Variants in MECOM observed in about 807,000 individuals in gnomAD.
MECOM encodes MDS1 and EVI1 complex locus.
In MECOM, 13 loss-of-function variants were observed where a neutral mutation model predicts 116.3. That is an observed-to-expected ratio of 0.11 (90% CI 0.07 to 0.18). MECOM has a LOEUF of 0.18. Among genes scored for constraint, MECOM ranks in the 10% least tolerant of loss-of-function variants. The pLI is 1.00. For missense variants in MECOM, 1,299 were observed against 1,509.0 expected (o/e 0.86, Z 2.31); for synonymous variants, 528 against 535.2 (o/e 0.99, Z 0.19).
At chr3:169,550,261 C>G (rs1761214429) in intron 1 of MECOM, among the ~76,000 whole-genome samples, 1 of 152,080 alleles carries the variant, frequency 6.6e-6, no homozygotes. Flanking sequence ...GCCAAGATAC[C>G]CCATTCACAT....
intron 2 of MECOM, among the ~76,000 whole-genome samples, chr3:169,318,347 G>T (rs1209635693): frequency 6.6e-6 from 1 of 152,052 alleles, no homozygotes; most frequent in Non-Finnish European, 1.5e-5. Context: ...CTACAGAATG[G>T]GAGAAAATTT....
chr3:169,634,458 C>T (rs1297225480), intron 1 of MECOM, among the ~76,000 whole-genome samples: 1 of 152,150 alleles, frequency 6.6e-6, no homozygotes, highest in African/African-American at 2.4e-5. Context: ...TAACTCAGAC[C>T]ATCTATTTCA....
intron 1 of MECOM, among the ~76,000 whole-genome samples, chr3:169,636,608 C>T (rs1772788651): frequency 6.6e-6 from 1 of 152,180 alleles, no homozygotes; most frequent in Non-Finnish European, 1.5e-5. Context: ...GCGTACACCT[C>T]CTGGAACCTT....
chr3:169,167,099 C>CA (rs1192932215), intron 2 of MECOM, among the ~76,000 whole-genome samples: 3 of 152,112 alleles, frequency 2.0e-5, no homozygotes, highest in Non-Finnish European at 4.4e-5. Flanking sequence ...CTCAGCCTCC[C>CA]AAGTAGCCGA....
In MECOM at chr3:169,317,092, C is replaced by T. The variant is rs542553394; in HGVS notation, c.375+64095G>A. ...ATTCAACAGTTTTCTTCACTTATTA[C>T]GGTCCTCAGAGCAATTAAGTCCAGG... On this transcript the variant is annotated intron_variant, in intron 2 of 16. Coordinates refer to ENST00000651503, the MANE Select transcript of MECOM (RefSeq NM_004991.4). 8.5e-5 allele frequency among the ~76,000 whole-genome samples: 13 copies of T among 152,292 alleles called. No homozygotes were observed. The South Asian group carries it at 1.2e-3, about 15-fold the overall frequency.
chr3:169,162,563 G>C (rs1308240042), intron 2 of MECOM, among the ~76,000 whole-genome samples: 1 of 152,118 alleles, frequency 6.6e-6, no homozygotes, highest in Non-Finnish European at 1.5e-5. Flanking sequence ...ATATTACTGG[G>C]AGCTTAGGCG....
At chr3:169,093,207 T>C in intron 13 of MECOM, 105 bp from the exon 14 acceptor site, 1 of 1,145,666 alleles carries the variant, frequency 8.7e-7, no homozygotes, top group Non-Finnish European at 1.2e-6. Context: ...TCTTAAAACA[T>C]GCCCTATGAA....
intron 1 of MECOM, among the ~76,000 whole-genome samples, chr3:169,391,914 A>T (rs1734258304): frequency 6.6e-6 from 1 of 152,140 alleles, no homozygotes; most frequent in Non-Finnish European, 1.5e-5. Context: ...ACTGCCTTCT[A>T]ATGGGAACTG....
chr3:169,511,655 T>G (rs1235699731), intron 1 of MECOM, among the ~76,000 whole-genome samples: 1 of 151,840 alleles, frequency 6.6e-6, no homozygotes, highest in East Asian at 1.9e-4. Context: ...TCCCAGCTAC[T>G]CAACTTGGGA....
At chr3:169,487,095 GA>G (rs145230350) in intron 1 of MECOM, among the ~76,000 whole-genome samples, 1 of 149,710 alleles carries the variant, frequency 6.7e-6, no homozygotes, top group Non-Finnish European at 1.5e-5. Flanking sequence ...AAAACTAATT[GA>G]AAAAAAAGAG....
intron 2 of MECOM, among the ~76,000 whole-genome samples, chr3:169,372,227 T>C (rs2108200385): frequency 6.6e-6 from 1 of 152,226 alleles, no homozygotes; most frequent in East Asian, 1.9e-4. Context: ...TAAACTAATT[T>C]GGAGCAATTC....
At chr3:169,463,766 G>A (rs572996995) in intron 1 of MECOM, among the ~76,000 whole-genome samples, 1 of 152,050 alleles carries the variant, frequency 6.6e-6, no homozygotes, top group Admixed American at 6.6e-5. Context: ...GGAGTAATTG[G>A]GAGAGTGCAA....
chr3:169,449,493 A>G (rs544285163), intron 1 of MECOM, among the ~76,000 whole-genome samples: 1 of 152,316 alleles, frequency 6.6e-6, no homozygotes, highest in East Asian at 1.9e-4. Flanking sequence ...ATTTATCATC[A>G]GCTCAGGATA....
Position 169,663,605 on chromosome 3 carries a change from T to C in MECOM, c.-233A>G, listed in dbSNP as rs2110158730. The C allele has an allele frequency of 1.7e-6, 1 of 576,442 alleles. No individual in the cohort carries two copies. The highest frequency in any genetic ancestry group is 3.1e-6 in the Non-Finnish European group (1 of 323,872). 35.7% of individuals were successfully genotyped at this position (576,442 alleles called of 1,614,324 possible). A position where few individuals can be genotyped will look rare whatever the true frequency, so the allele number is the denominator to read the frequency against. ...CTCTGTATTTTCTTCTTTCACTCTC[T>C]CTCCCTCCCTCTCTCCCTTTCTCTC... On this transcript the variant is annotated 5_prime_UTR_variant, in exon 1 of 17. Transcript: ENST00000651503.
At chr3:169,139,790 G>T (rs1409207257) in intron 3 of MECOM, among the ~76,000 whole-genome samples, 6 of 151,882 alleles carry the variant, frequency 4.0e-5, no homozygotes, top group African/African-American at 1.5e-4. Context: ...CCAGGCGAAG[G>T]GTATATGTGG....
chr3:169,341,561 G>A (rs1438527929), intron 2 of MECOM, among the ~76,000 whole-genome samples: 8 of 151,454 alleles, frequency 5.3e-5, no homozygotes, highest in Non-Finnish European at 1.0e-4. Flanking sequence ...CCAACAAGGC[G>A]AAACTCCATC....
At chr3:169,653,515 A>T (rs1219081076) in intron 1 of MECOM, among the ~76,000 whole-genome samples, 2 of 152,330 alleles carry the variant, frequency 1.3e-5, no homozygotes, top group Non-Finnish European at 1.5e-5. Flanking sequence ...GAAATCTTAG[A>T]GGAGTTAGAT....
At chr3:169,411,717 G>A (rs1451991932) in intron 1 of MECOM, among the ~76,000 whole-genome samples, 8 of 152,212 alleles carry the variant, frequency 5.3e-5, no homozygotes, top group South Asian at 4.1e-4. Context: ...CTGACTGGGC[G>A]CAGTGGCTCA....
intron 1 of MECOM, among the ~76,000 whole-genome samples, chr3:169,420,598 C>A (rs547441066): frequency 6.6e-6 from 1 of 152,092 alleles, no homozygotes; most frequent in Non-Finnish European, 1.5e-5. Flanking sequence ...GTTTCCTCCA[C>A]GGACACAATT....
Sources: allele counts gnomAD v4.1 joint callset (sites outside exome capture counted in the v4.1 genomes callset), GRCh38; gene constraint gnomAD v4.1.1; transcripts MANE v1.5; gene names NCBI Gene and HGNC (gene_info 2026-07-23, HGNC 2026-07-21).